The following SRGAP1 variants were observed in gnomAD, a reference collection of about 807,000 sequenced individuals.
SRGAP1 encodes SLIT-ROBO Rho GTPase activating protein 1.
Under a neutral mutation model 121.9 loss-of-function variants are expected in SRGAP1, and 43 were observed. That is an observed-to-expected ratio of 0.35 (90% CI 0.28 to 0.46). The LOEUF (loss-of-function observed/expected upper bound fraction) is 0.46, where lower values mean the gene tolerates loss of function less well. Among genes scored for constraint, SRGAP1 ranks in the 20% least tolerant of loss-of-function variants. SRGAP1 has a pLI of 1.00. For missense variants in SRGAP1, 1,102 were observed against 1,350.9 expected, an observed-to-expected ratio of 0.82 and a Z score of 2.89; for synonymous variants, 447 against 485.4, an observed-to-expected ratio of 0.92 and a Z score of 1.04.
intron 21 of SRGAP1, among the ~76,000 whole-genome samples, chr12:64,135,782 G>A (rs1015757197): frequency 6.6e-6 from 1 of 152,038 alleles, no homozygotes; most frequent in Non-Finnish European, 1.5e-5. Flanking sequence ...AACCACTCCT[G>A]GTACCAAAAC....
intron 6 of SRGAP1, among the ~76,000 whole-genome samples, chr12:64,060,288 G>A (rs10444577): frequency 0.42 from 62,847 of 148,790 alleles, 13,486 homozygotes; most frequent in East Asian, 0.6. Flanking sequence ...GCTTACTGCA[G>A]CCTCTACCTC....
chr12:63,912,377 G>A (rs763087494), intron 1 of SRGAP1, among the ~76,000 whole-genome samples: 2 of 152,180 alleles, frequency 1.3e-5, no homozygotes, highest in Non-Finnish European at 2.9e-5. Context: ...AGCAGCCAAG[G>A]CGAGAGAATC....
intron 21 of SRGAP1, among the ~76,000 whole-genome samples, chr12:64,141,832 TC>T (rs981584376): frequency 2.6e-5 from 4 of 151,802 alleles, no homozygotes; most frequent in African/African-American, 9.7e-5. Context: ...ACACCTGTGG[TC>T]CCAGCTACTC....
intron 1 of SRGAP1, among the ~76,000 whole-genome samples, chr12:63,899,929 A>G (rs75009675): frequency 0.013 from 2,010 of 152,330 alleles, 22 homozygotes; most frequent in South Asian, 0.029. Flanking sequence ...TAACTCACTA[A>G]TAAATATGAG....
intron 21 of SRGAP1, among the ~76,000 whole-genome samples, chr12:64,137,291 T>C (rs1160679533): frequency 6.6e-6 from 1 of 151,110 alleles, no homozygotes; most frequent in Non-Finnish European, 1.5e-5. Flanking sequence ...ATGTAAATTA[T>C]AAAAACAAAA....
chr12:64,018,941 T>C (rs2034476416), intron 4 of SRGAP1, among the ~76,000 whole-genome samples: 1 of 152,214 alleles, frequency 6.6e-6, no homozygotes, highest in Admixed American at 6.5e-5. Flanking sequence ...TCGTCTTCCA[T>C]TGAACTCTTT....
intron 2 of SRGAP1, among the ~76,000 whole-genome samples, chr12:63,986,742 A>G (rs1399011349): frequency 1.3e-5 from 2 of 152,054 alleles, no homozygotes; most frequent in Non-Finnish European, 2.9e-5. Flanking sequence ...AATATTTTTT[A>G]GTATCTTCTG....
chr12:63,954,063 T>G (rs2032380689), intron 1 of SRGAP1, among the ~76,000 whole-genome samples: 1 of 152,222 alleles, frequency 6.6e-6, no homozygotes, highest in Non-Finnish European at 1.5e-5. Flanking sequence ...CATACATCCA[T>G]ACATCAGTCT....
At chr12:64,004,219 A>C (rs1030115807) in intron 3 of SRGAP1, among the ~76,000 whole-genome samples, 5 of 152,186 alleles carry the variant, frequency 3.3e-5, no homozygotes, top group Non-Finnish European at 5.9e-5. Flanking sequence ...AAATTCAATA[A>C]ACAAACATGG....
At chr12:64,123,011 T>C (rs946851323) in intron 18 of SRGAP1, among the ~76,000 whole-genome samples, 4 of 152,370 alleles carry the variant, frequency 2.6e-5, no homozygotes, top group South Asian at 2.1e-4. Context: ...ATGGCCAGCA[T>C]TGACAGTGTG....
At chr12:63,852,277 TG>T (rs1305181897) in intron 1 of SRGAP1, among the ~76,000 whole-genome samples, 3 of 152,244 alleles carry the variant, frequency 2.0e-5, no homozygotes, top group Admixed American at 6.5e-5. Context: ...ATTACAGGCA[TG>T]AGCCACCTCG....
At chr12:63,981,154 A>G (rs781171469) in intron 1 of SRGAP1, among the ~76,000 whole-genome samples, 13 of 152,186 alleles carry the variant, frequency 8.5e-5, no homozygotes, top group Non-Finnish European at 1.6e-4. Flanking sequence ...TAATTTTTGT[A>G]AAACAAGGAT....
At chr12:63,980,503 T>C (rs1211765627) in intron 1 of SRGAP1, among the ~76,000 whole-genome samples, 1 of 152,146 alleles carries the variant, frequency 6.6e-6, no homozygotes. Context: ...AGCCATGCCA[T>C]TTGTGCAGGG....
intron 18 of SRGAP1, among the ~76,000 whole-genome samples, chr12:64,123,303 T>C (rs538547648): frequency 2.0e-5 from 3 of 152,152 alleles, no homozygotes; most frequent in Non-Finnish European, 2.9e-5. Context: ...GCAATGATTG[T>C]GCTACTATAT....
chr12:63,853,153 G>C, intron 1 of SRGAP1, among the ~76,000 whole-genome samples: 1 of 151,706 alleles, frequency 6.6e-6, no homozygotes, highest in Middle Eastern at 3.2e-3. Context: ...ATGAGTAGCT[G>C]GGAGTACAGG....
intron 3 of SRGAP1, among the ~76,000 whole-genome samples, chr12:64,005,344 C>T (rs897448909): frequency 6.6e-6 from 1 of 152,078 alleles, no homozygotes; most frequent in Non-Finnish European, 1.5e-5. Flanking sequence ...TAAACATGCC[C>T]ATGAAAGTTT....
intron 19 of SRGAP1, 147 bp from the exon 20 acceptor site, chr12:64,127,443 G>A: frequency 1.3e-6 from 1 of 755,392 alleles, no homozygotes; most frequent in Non-Finnish European, 2.0e-6. Flanking sequence ...AAAGAGAAAA[G>A]TTATTTTAAT....
At chr12:64,024,347 C>A (rs117994111) in intron 4 of SRGAP1, among the ~76,000 whole-genome samples, 1 of 152,136 alleles carries the variant, frequency 6.6e-6, no homozygotes, top group Non-Finnish European at 1.5e-5. Context: ...GGGCAGATCA[C>A]CTGAGTCCAG....
chr12:63,950,930 G>A (rs560859594), intron 1 of SRGAP1, among the ~76,000 whole-genome samples: 6 of 147,870 alleles, frequency 4.1e-5, no homozygotes, highest in African/African-American at 1.5e-4. Context: ...CCCCACATTA[G>A]TGTTTTCTTA....
Sources: allele counts gnomAD v4.1 joint callset (sites outside exome capture counted in the v4.1 genomes callset), GRCh38; gene constraint gnomAD v4.1.1; transcripts MANE v1.5; gene names NCBI Gene and HGNC (gene_info 2026-07-23, HGNC 2026-07-21).